Variants in DPYSL5 observed in about 807,000 individuals in gnomAD.
DPYSL5 encodes the protein dihydropyrimidinase-related protein 5.
A neutral mutation model predicts 58.4 loss-of-function variants in DPYSL5; 9 were observed. That is an observed-to-expected ratio of 0.15 (90% confidence interval 0.09 to 0.27). The LOEUF (loss-of-function observed/expected upper bound fraction) is 0.27, where lower values mean the gene tolerates loss of function less well. Ranked by LOEUF, DPYSL5 falls within the 10% of genes least tolerant of loss-of-function variation. The pLI is 1.00. For synonymous variants in DPYSL5, 293 were observed against 301.9 expected, an observed-to-expected ratio of 0.97 and a Z score of 0.31; for missense variants, 499 against 770.6, an observed-to-expected ratio of 0.65 and a Z score of 4.17.
chr2:26,869,820 G>C (rs1243129511), intron 1 of DPYSL5, among the ~76,000 whole-genome samples: 1 of 152,042 alleles, frequency 6.6e-6, no homozygotes, highest in African/African-American at 2.4e-5. Context: ...GACCATCCTG[G>C]CTAACACGGT....
chr2:26,879,460 GAAAA>G (rs748100269), intron 1 of DPYSL5, among the ~76,000 whole-genome samples: 10 of 74,410 alleles, frequency 1.3e-4, no homozygotes, highest in South Asian at 4.9e-4. Context: ...ATCTCTATTT[GAAAA>G]AAAAAAAAAA....
chr2:26,892,756 T>TGAGAGAGAGAGAGAGAGAGAGAGAGAGA (rs144430871), intron 1 of DPYSL5, among the ~76,000 whole-genome samples: 11 of 138,742 alleles, frequency 7.9e-5, no homozygotes, highest in Admixed American at 1.5e-4. Flanking sequence ...TGGGTTTGTT[T>TGAGAGAGAGAGAGAGAGAGAGAGAGAGA]GAGAGAGAGA....
Position 26,925,700 on chromosome 2 carries a change from C to G in DPYSL5, c.420+655C>G, listed in dbSNP as rs913984780. Among the ~76,000 whole-genome samples the G allele has an allele frequency of 6.6e-6, 1 of 152,178 alleles. No individual in the cohort carries two copies. The highest frequency in any genetic ancestry group is 2.4e-5 in the African/African-American group (1 of 41,420). On this transcript the variant is annotated intron_variant, in intron 3 of 12. Transcript: ENST00000288699. This position sits in a 1 kb window ranked among gnomAD's most constrained non-coding sequence, Gnocchi z 4.5. The stretch of plus-strand genomic sequence containing the variant: ...CCTGCCCAGGCCCCAGGGTCAGAGT[C>G]CAGACTCCTCTCCCCGGATTCCCAC...
At chr2:26,886,371 T>A (rs931982025) in intron 1 of DPYSL5, among the ~76,000 whole-genome samples, 7 of 152,218 alleles carry the variant, frequency 4.6e-5, no homozygotes, top group Non-Finnish European at 7.3e-5. Flanking sequence ...CTCTGTGTCA[T>A]TATGACCTGC....
intron 2 of DPYSL5, among the ~76,000 whole-genome samples, chr2:26,917,860 G>C (rs966262956): frequency 1.3e-5 from 2 of 152,106 alleles, no homozygotes; most frequent in Non-Finnish European, 2.9e-5. Flanking sequence ...GAATGGCCAG[G>C]CTCAGTGACT....
chr2:26,922,055 C>T (rs1664719076), intron 2 of DPYSL5, among the ~76,000 whole-genome samples: 1 of 152,184 alleles, frequency 6.6e-6, no homozygotes, highest in Non-Finnish European at 1.5e-5. Context: ...TGTACCCCTG[C>T]CCCATAGGTC....
Position 26,898,411 on chromosome 2 carries a change from T to G in DPYSL5, c.-4-85T>G. 2 of 1,548,762 alleles carry G rather than the reference T, an allele frequency of 1.3e-6. No homozygotes were observed. Among genetic ancestry groups the G allele is most frequent in the Non-Finnish European group, 1.8e-6 (2 of 1,139,986 alleles). ...CTTCTCTGCTCACTTACCCTGACCA[T>G]GGAATTTGGGCTTTGATAGGAGGGA... On this transcript the variant is annotated intron_variant, in intron 1 of 12. Transcript: ENST00000288699. The surrounding 1 kb of genome is among the most constrained non-coding windows in gnomAD (Gnocchi z 6.1).
At chr2:26,935,379 C>T (rs923918417) in intron 8 of DPYSL5, among the ~76,000 whole-genome samples, 1 of 152,172 alleles carries the variant, frequency 6.6e-6, no homozygotes, top group Non-Finnish European at 1.5e-5. Flanking sequence ...CTTGCAGCTT[C>T]TTTCTCTCTC....
intron 2 of DPYSL5, among the ~76,000 whole-genome samples, chr2:26,922,184 T>C (rs564014448): frequency 6.6e-6 from 1 of 152,248 alleles, no homozygotes; most frequent in Non-Finnish European, 1.5e-5. Flanking sequence ...GAATCTCTCC[T>C]CCTGGGGGAC....
chr2:26,931,806 G>A, intron 6 of DPYSL5, 122 bp downstream of exon 6: 2 of 1,029,446 alleles, frequency 1.9e-6, no homozygotes, highest in South Asian at 1.4e-5. Flanking sequence ...TTAAGAGTTT[G>A]AGACCAGCCT....
Position 26,898,641 on chromosome 2 carries a change from G to T in DPYSL5, c.142G>T (p.Ala48Ser), listed in dbSNP as rs764370528. The change falls in exon 2 of 13, where the codon GCC (alanine) becomes TCC (serine). Residue 48 changes from alanine to serine, a missense_variant. This residue lies in a region of DPYSL5 where 404 missense variants were observed against 647.6 expected (regional missense o/e 0.62). Coordinates refer to ENST00000288699, the MANE Select transcript of DPYSL5 (RefSeq NM_020134.4). The surrounding 1 kb of genome is among the most constrained non-coding windows in gnomAD (Gnocchi z 6.1). Reference protein sequence around the residue: ...VGRELMIPGGAKVIDATGKLV... With the variant: ...VGRELMIPGGSKVIDATGKLV... ...CCGCGAGCTCATGATCCCTGGCGGG[G>T]CCAAGGTGATTGATGCCACAGGAAA... The T allele has an allele frequency of 1.2e-6, 2 of 1,614,142 alleles. No homozygotes were observed. Among genetic ancestry groups the T allele is most frequent in the Admixed American group, 3.3e-5 (2 of 60,020 alleles).
intron 1 of DPYSL5, among the ~76,000 whole-genome samples, chr2:26,853,955 G>T (rs1484950526): frequency 6.6e-6 from 1 of 151,948 alleles, no homozygotes; most frequent in Non-Finnish European, 1.5e-5. Context: ...TCAGAGGATT[G>T]CTTGGGCCTT....
chr2:26,863,272 C>T (rs552140050), intron 1 of DPYSL5, among the ~76,000 whole-genome samples: 1 of 152,328 alleles, frequency 6.6e-6, no homozygotes, highest in South Asian at 2.1e-4. Flanking sequence ...TGACATGGGC[C>T]CCAGGCCATT....
At chr2:26,855,344 G>A (rs529370047) in intron 1 of DPYSL5, among the ~76,000 whole-genome samples, 44 of 151,992 alleles carry the variant, frequency 2.9e-4, no homozygotes, top group African/African-American at 9.9e-4. Flanking sequence ...TAGAAGAATC[G>A]CTTGAACCCA....
At chr2:26,911,270 A>C (rs1350271759) in intron 2 of DPYSL5, among the ~76,000 whole-genome samples, 1 of 152,164 alleles carries the variant, frequency 6.6e-6, no homozygotes, top group Non-Finnish European at 1.5e-5. Flanking sequence ...CTTTACAGTA[A>C]GTCTTGAAAG....
intron 2 of DPYSL5, among the ~76,000 whole-genome samples, chr2:26,900,010 T>C (rs934015892): frequency 6.6e-6 from 1 of 152,202 alleles, no homozygotes; most frequent in African/African-American, 2.4e-5. Context: ...CATATCCAGC[T>C]CACCATCCTC....
At chr2:26,890,442 A>G (rs1038496638) in intron 1 of DPYSL5, among the ~76,000 whole-genome samples, 1 of 152,234 alleles carries the variant, frequency 6.6e-6, no homozygotes, top group African/African-American at 2.4e-5. Context: ...GATATTATCC[A>G]AACAAGCCAG....
chr2:26,876,366 A>G (rs955249532), intron 1 of DPYSL5, among the ~76,000 whole-genome samples: 7 of 152,140 alleles, frequency 4.6e-5, no homozygotes, highest in Non-Finnish European at 8.8e-5. Context: ...GGTGCCTCTC[A>G]CTGAGATGGG....
chr2:26,936,423 G>GT (rs907173220), intron 8 of DPYSL5, among the ~76,000 whole-genome samples: 5 of 152,184 alleles, frequency 3.3e-5, no homozygotes, highest in Admixed American at 6.5e-5. Context: ...GAGTTGGGGG[G>GT]TGCAGGGCTT....
Sources: gnomAD v4.1 joint callset for allele counts (sites outside exome capture counted in the v4.1 genomes callset) on GRCh38, gnomAD v4.1.1 for gene constraint, gnomAD v4.1.1 regional missense constraint, Gnocchi (gnomAD v3.1) non-coding constraint, MANE v1.5 for transcripts, NCBI Gene and HGNC (gene_info 2026-07-23, HGNC 2026-07-21) for gene names.